GPR158: variants seen among roughly 807,000 people sequenced by gnomAD.
GPR158 encodes G protein-coupled receptor 158.
A neutral mutation model predicts 78.2 loss-of-function variants in GPR158; 30 were observed. The ratio of observed to expected loss-of-function variants is 0.38; its 90% CI spans 0.29 to 0.52. The LOEUF (loss-of-function observed/expected upper bound fraction) is 0.52, where lower values mean the gene tolerates loss of function less well. Ranked by LOEUF, GPR158 falls within the 20% of genes least tolerant of loss-of-function variation. The pLI is 0.83. For synonymous variants in GPR158, 581 were observed against 591.1 expected (o/e 0.98, Z 0.25); for missense variants, 1,463 against 1,523.5 (o/e 0.96, Z 0.66).
intron 2 of GPR158, among the ~76,000 whole-genome samples, chr10:25,354,464 C>T (rs544775619): frequency 3.1e-4 from 47 of 151,970 alleles, no homozygotes; most frequent in Admixed American, 1.2e-3. Context: ...TAGCTCCATT[C>T]CCCGCTACAT....
rs760587338 is a variant in GPR158 at position 25,589,060 on chromosome 10, G to C, written c.1807G>C (p.Val603Leu). 6.2e-7 allele frequency: 1 copy of C among 1,612,094 alleles called. No individual in the cohort carries two copies. Among genetic ancestry groups the C allele is most frequent in the Admixed American group, 1.7e-5 (1 of 59,992 alleles). Residue 603 changes from valine to leucine, a missense_variant, in exon 8 of 11, where the codon GTC becomes CTC. Val to Leu is a conservative substitution (Grantham distance 32, BLOSUM62 1). Coordinates refer to ENST00000376351, the MANE Select transcript of GPR158 (RefSeq NM_020752.3). ...TTATCTCTGCTATGCAGTGCGGACA[G>C]TCCCATCGGCATTCCATGAGCCCCG... ...GVYLCYAVRT[V>L]PSAFHEPRYM... is the part of the protein sequence containing the mutation.
At chr10:25,375,749 G>A (rs1323660604) in intron 2 of GPR158, among the ~76,000 whole-genome samples, 1 of 151,464 alleles carries the variant, frequency 6.6e-6, no homozygotes, top group African/African-American at 2.4e-5. Flanking sequence ...TGAATCTTTT[G>A]CCTATTCCTT....
intron 6 of GPR158, among the ~76,000 whole-genome samples, chr10:25,559,871 C>G (rs1246746439): frequency 1.3e-5 from 2 of 152,180 alleles, no homozygotes; most frequent in Non-Finnish European, 2.9e-5. Context: ...CCTTTTGTCA[C>G]AATATGTAAC....
intron 2 of GPR158, among the ~76,000 whole-genome samples, chr10:25,284,116 A>G (rs1246075949): frequency 6.6e-6 from 1 of 152,106 alleles, no homozygotes; most frequent in East Asian, 1.9e-4. Context: ...TCTATGAATG[A>G]CAAGTGGATC....
chr10:25,279,308 A>G (rs1432472115), intron 2 of GPR158, among the ~76,000 whole-genome samples: 1 of 152,188 alleles, frequency 6.6e-6, no homozygotes, highest in African/African-American at 2.4e-5. Context: ...TAGTGATATT[A>G]TCTCCATTTT....
intron 1 of GPR158, among the ~76,000 whole-genome samples, chr10:25,181,506 G>A (rs891436741): frequency 2.0e-5 from 3 of 152,140 alleles, no homozygotes; most frequent in African/African-American, 7.2e-5. Context: ...GGCTTGTGAT[G>A]GCGATGGGTC....
intron 4 of GPR158, among the ~76,000 whole-genome samples, chr10:25,428,898 A>G (rs1343519090): frequency 2.0e-5 from 3 of 152,116 alleles, no homozygotes; most frequent in Non-Finnish European, 4.4e-5. Flanking sequence ...CTTGAAGTTT[A>G]GAGCAGTATA....
At chr10:25,212,781 G>A (rs530206856) in intron 1 of GPR158, among the ~76,000 whole-genome samples, 26 of 151,698 alleles carry the variant, frequency 1.7e-4, no homozygotes, top group African/African-American at 5.6e-4. Context: ...ACAGGCGCCC[G>A]CCACCATGTC....
intron 2 of GPR158, among the ~76,000 whole-genome samples, chr10:25,391,260 C>T (rs1446048732): frequency 6.6e-6 from 1 of 152,180 alleles, no homozygotes; most frequent in Non-Finnish European, 1.5e-5. Flanking sequence ...TGGGGCACTG[C>T]CTAGTGGAGC....
chr10:25,426,607 G>A (rs1456223339), intron 4 of GPR158, among the ~76,000 whole-genome samples: 1 of 152,084 alleles, frequency 6.6e-6, no homozygotes, highest in Non-Finnish European at 1.5e-5. Context: ...CAGTGGAGCA[G>A]TCAGAATACA....
intron 5 of GPR158, among the ~76,000 whole-genome samples, chr10:25,508,561 G>C (rs930201240): frequency 1.3e-5 from 2 of 152,112 alleles, no homozygotes; most frequent in East Asian, 3.9e-4. Flanking sequence ...GCTGGCGGAC[G>C]CTAGCTTGAG....
chr10:25,541,549 G>A (rs1175923477), intron 5 of GPR158, among the ~76,000 whole-genome samples: 1 of 150,430 alleles, frequency 6.6e-6, no homozygotes. Flanking sequence ...TATGTCTTTT[G>A]TGCACCTGTA....
chr10:25,531,705 T>TA (rs1343802817), intron 5 of GPR158, among the ~76,000 whole-genome samples: 1 of 152,182 alleles, frequency 6.6e-6, no homozygotes, highest in Admixed American at 6.5e-5. Context: ...TAGACAGGAA[T>TA]AAAAAAGGTT....
At chr10:25,361,805 T>A (rs1054756467) in intron 2 of GPR158, among the ~76,000 whole-genome samples, 10 of 152,014 alleles carry the variant, frequency 6.6e-5, no homozygotes, top group African/African-American at 2.4e-4. Flanking sequence ...TACTTCGTTG[T>A]TGAGTTATAG....
chr10:25,551,030 G>T lies in GPR158; in HGVS notation c.1459G>T (p.Ala487Ser), dbSNP rs773786303. Residue 487 changes from alanine to serine, a missense_variant, in exon 6 of 11, where the codon GCT becomes TCT. Coordinates refer to ENST00000376351, the MANE Select transcript of GPR158 (RefSeq NM_020752.3). The stretch of plus-strand genomic sequence containing the variant: ...ATTTCGCTGTATTCTCCTAAGATGG[G>T]CTCGTCTTCTCGGTTTTGCTACTGT... ...STFRCILLRW[A>S]RLLGFATVYG... 6.2e-7 allele frequency: 1 copy of T among 1,611,322 alleles called. No homozygotes were observed. Among genetic ancestry groups the T allele is most frequent in the South Asian group, 1.1e-5 (1 of 91,022 alleles).
chr10:25,401,236 G>A (rs776395338), intron 3 of GPR158, among the ~76,000 whole-genome samples: 1 of 152,096 alleles, frequency 6.6e-6, no homozygotes, highest in East Asian at 1.9e-4. Flanking sequence ...CTCATAAATA[G>A]CATCGTCACT....
intron 2 of GPR158, among the ~76,000 whole-genome samples, chr10:25,255,318 C>T (rs1336244093): frequency 1.3e-5 from 2 of 152,226 alleles, no homozygotes; most frequent in Non-Finnish European, 2.9e-5. Flanking sequence ...AGGGTTGAGT[C>T]TTATTTCTTG....
At chr10:25,496,918 C>T (rs929087999) in intron 5 of GPR158, among the ~76,000 whole-genome samples, 13 of 152,266 alleles carry the variant, frequency 8.5e-5, no homozygotes, top group Admixed American at 4.6e-4. Context: ...ATAGTACAGA[C>T]AGTAGCAGTG....
intron 2 of GPR158, among the ~76,000 whole-genome samples, chr10:25,265,463 CT>C (rs1588765822): frequency 6.6e-6 from 1 of 152,042 alleles, no homozygotes; most frequent in Admixed American, 6.6e-5. Flanking sequence ...AGAAAGGAGA[CT>C]TTTTTTCTTG....
Sources: allele counts gnomAD v4.1 joint callset (sites outside exome capture counted in the v4.1 genomes callset), GRCh38; gene constraint gnomAD v4.1.1; transcripts MANE v1.5; gene names NCBI Gene and HGNC (gene_info 2026-07-23, HGNC 2026-07-21).